CADPS2: variants seen among roughly 807,000 people sequenced by gnomAD.
CADPS2 encodes calcium-dependent secretion activator 2.
CADPS2 carries 93 observed loss-of-function variants against 172.5 expected under a neutral mutation model. That is an observed-to-expected ratio of 0.54 (90% confidence interval 0.46 to 0.64). CADPS2 has a LOEUF of 0.64. CADPS2 is among the 30% of genes least tolerant of loss of function. The pLI is 0.00. For missense variants in CADPS2, 1,420 were observed against 1,565.9 expected (o/e 0.91, Z 1.57); for synonymous variants, 546 against 555.2 (o/e 0.98, Z 0.23).
At chr7:122,797,511 G>A (rs1341353622) in intron 1 of CADPS2, among the ~76,000 whole-genome samples, 1 of 152,114 alleles carries the variant, frequency 6.6e-6, no homozygotes, top group Non-Finnish European at 1.5e-5. Flanking sequence ...GGAACAGTAT[G>A]CACCATAAAA....
intron 6 of CADPS2, among the ~76,000 whole-genome samples, chr7:122,581,709 C>T (rs911665096): frequency 3.3e-5 from 5 of 151,938 alleles, no homozygotes; most frequent in African/African-American, 9.7e-5. Flanking sequence ...AAGACTTTAC[C>T]CCACCTGAGA....
chr7:122,444,548 G>T (rs2051877107), intron 15 of CADPS2, among the ~76,000 whole-genome samples: 1 of 152,068 alleles, frequency 6.6e-6, no homozygotes, highest in Non-Finnish European at 1.5e-5. Flanking sequence ...GTTTCAAATT[G>T]CAATTCCCTG....
chr7:122,358,289 G>C (rs986283401), intron 27 of CADPS2, among the ~76,000 whole-genome samples: 1 of 151,958 alleles, frequency 6.6e-6, no homozygotes, highest in Non-Finnish European at 1.5e-5. Flanking sequence ...GTGCCTGTTT[G>C]GATCTTTTGC....
intron 1 of CADPS2, among the ~76,000 whole-genome samples, chr7:122,781,688 T>C (rs1792778553): frequency 6.6e-6 from 1 of 152,184 alleles, no homozygotes; most frequent in Non-Finnish European, 1.5e-5. Context: ...CAAGAATATA[T>C]TTCTAAATTT....
intron 6 of CADPS2, among the ~76,000 whole-genome samples, chr7:122,597,447 G>C (rs2072004349): frequency 6.6e-6 from 1 of 152,044 alleles, no homozygotes; most frequent in African/African-American, 2.4e-5. Flanking sequence ...AACTCCCCAA[G>C]GATGGTGGTA....
chr7:122,633,712 C>T (rs2076792348), intron 3 of CADPS2, among the ~76,000 whole-genome samples: 2 of 152,098 alleles, frequency 1.3e-5, no homozygotes, highest in African/African-American at 4.8e-5. Flanking sequence ...ATTTCTCTGG[C>T]TGGGCTTCTA....
intron 2 of CADPS2, among the ~76,000 whole-genome samples, chr7:122,664,165 G>A (rs954831460): frequency 2.0e-4 from 31 of 151,948 alleles, no homozygotes; most frequent in Admixed American, 3.3e-4. Flanking sequence ...TTTCAGCAGG[G>A]AAAGAATCAT....
chr7:122,717,726 T>C (rs1564161364), intron 2 of CADPS2, among the ~76,000 whole-genome samples: 2 of 152,124 alleles, frequency 1.3e-5, no homozygotes, highest in Non-Finnish European at 2.9e-5. Context: ...GGCATAAGCA[T>C]TTTCCCTGTG....
At chr7:122,602,306 A>G (rs756986006) in intron 6 of CADPS2, among the ~76,000 whole-genome samples, 2 of 152,018 alleles carry the variant, frequency 1.3e-5, no homozygotes, top group Non-Finnish European at 2.9e-5. Flanking sequence ...AAGAATGTCA[A>G]TCTTCATCTT....
At chr7:122,454,046 A>C (rs1403822392) in intron 14 of CADPS2, among the ~76,000 whole-genome samples, 1 of 152,196 alleles carries the variant, frequency 6.6e-6, no homozygotes, top group Non-Finnish European at 1.5e-5. Context: ...GCAGCCTTCT[A>C]TATCTAAATT....
At chr7:122,443,635 G>A (rs1586091491) in intron 15 of CADPS2, among the ~76,000 whole-genome samples, 2 of 129,628 alleles carry the variant, frequency 1.5e-5, no homozygotes, top group South Asian at 5.0e-4. Flanking sequence ...GTTTAAAGAG[G>A]AAACTTCTTT....
intron 20 of CADPS2, among the ~76,000 whole-genome samples, chr7:122,397,237 C>T (rs2045268720): frequency 6.6e-6 from 1 of 151,948 alleles, no homozygotes; most frequent in African/African-American, 2.4e-5. Flanking sequence ...ATGAAGATTA[C>T]CTATATTTCC....
intron 1 of CADPS2, among the ~76,000 whole-genome samples, chr7:122,750,389 T>C (rs2092901313): frequency 6.6e-6 from 1 of 152,204 alleles, no homozygotes; most frequent in Non-Finnish European, 1.5e-5. Context: ...TCAAATATAA[T>C]GGGCAACCTA....
chr7:122,723,457 G>T (rs78774747), intron 2 of CADPS2, among the ~76,000 whole-genome samples: 1 of 152,112 alleles, frequency 6.6e-6, no homozygotes, highest in East Asian at 1.9e-4. Flanking sequence ...TCAGAGAAAT[G>T]CAAATCAAAA....
At chr7:122,840,094 G>A (rs1247529265) in intron 1 of CADPS2, among the ~76,000 whole-genome samples, 1 of 152,154 alleles carries the variant, frequency 6.6e-6, no homozygotes. Flanking sequence ...GGAATACTAT[G>A]CAGCCAAAAA....
intron 2 of CADPS2, among the ~76,000 whole-genome samples, chr7:122,669,898 T>C (rs77454053): frequency 3.8e-3 from 582 of 151,990 alleles, no homozygotes; most frequent in Non-Finnish European, 6.5e-3. Flanking sequence ...CCTATCTCAG[T>C]GAGTGACAGA....
At chr7:122,503,327 C>T (rs979448809) in intron 9 of CADPS2, among the ~76,000 whole-genome samples, 1 of 152,116 alleles carries the variant, frequency 6.6e-6, no homozygotes, top group Non-Finnish European at 1.5e-5. Context: ...AGCCACTGTG[C>T]ACGGCCAATA....
intron 8 of CADPS2, among the ~76,000 whole-genome samples, chr7:122,531,005 CCAA>C (rs1328667506): frequency 2.0e-5 from 3 of 152,078 alleles, no homozygotes; most frequent in Non-Finnish European, 4.4e-5. Context: ...TGAGAAAAAA[CCAA>C]CAACAACTAA....
At chr7:122,869,719 T>C (rs1263409709) in intron 1 of CADPS2, among the ~76,000 whole-genome samples, 1 of 152,042 alleles carries the variant, frequency 6.6e-6, no homozygotes, top group African/African-American at 2.4e-5. Context: ...CAAATATATC[T>C]CTAGTATGAA....
Sources: allele counts gnomAD v4.1 joint callset (sites outside exome capture counted in the v4.1 genomes callset), GRCh38; gene constraint gnomAD v4.1.1; transcripts MANE v1.5; gene names NCBI Gene and HGNC (gene_info 2026-07-23, HGNC 2026-07-21).